Variants in ATXN1L observed in about 807,000 individuals in gnomAD.
ATXN1L encodes ataxin 1 like, also known as ataxin-1-like.
A neutral mutation model predicts 43.4 loss-of-function variants in ATXN1L; 8 were observed. The ratio of observed to expected loss-of-function variants is 0.18; its 90% CI spans 0.11 to 0.33. The LOEUF (loss-of-function observed/expected upper bound fraction) is 0.33, where lower values mean the gene tolerates loss of function less well. Ranked by LOEUF, ATXN1L falls within the 10% of genes least tolerant of loss-of-function variation. ATXN1L has a pLI of 1.00. For missense variants in ATXN1L, 856 were observed against 885.4 expected (o/e 0.97, Z 0.42); for synonymous variants, 379 against 360.6 (o/e 1.05, Z -0.58).
rs779598588 is a variant in ATXN1L, at chr16:71,856,441, C to T, written c.*4631C>T. 1 of 167,094 alleles carries T rather than the reference C, an allele frequency of 6.0e-6. No homozygotes were observed. The highest frequency in any genetic ancestry group is 1.5e-5 in the Non-Finnish European group (1 of 68,138). 10.4% of individuals were successfully genotyped at this position (167,094 alleles called of 1,614,324 possible). ...GACTGTCATGGGGACTGAGGTTCTTCAGAGAAAGAGTGTGAGCTGATGACA... is the reference window on the plus strand; with the variant it reads ...GACTGTCATGGGGACTGAGGTTCTTTAGAGAAAGAGTGTGAGCTGATGACA... On this transcript the variant is annotated 3_prime_UTR_variant, in exon 3 of 3. Coordinates refer to ENST00000427980, the MANE Select transcript of ATXN1L (RefSeq NM_001137675.4).
At chr16:71,848,985 T>A (rs2033470176) in intron 2 of ATXN1L, among the ~76,000 whole-genome samples, 2 of 151,484 alleles carry the variant, frequency 1.3e-5, no homozygotes, top group African/African-American at 4.9e-5. Context: ...GAGGCTGAGG[T>A]GGGCGGATCA....
Position 71,849,804 on chromosome 16 carries a change from A to T in ATXN1L, c.64A>T (p.Thr22Ser), listed in dbSNP as rs944648546. 6.5e-7 allele frequency: 1 copy of T among 1,548,902 alleles called. No individual in the cohort carries two copies. Among genetic ancestry groups the T allele is most frequent in the African/African-American group, 1.4e-5 (1 of 72,972 alleles). The change falls in exon 3 of 3, where the codon ACC becomes TCC. Residue 22 changes from threonine to serine, a missense_variant. Thr to Ser is a moderately conservative substitution (Grantham distance 58). Coordinates refer to ENST00000427980, the MANE Select transcript of ATXN1L (RefSeq NM_001137675.4). The stretch of plus-strand genomic sequence containing the variant: ...ACCAAAGAAACGAGACCTCCCCGTG[A>T]CCAGCGAGGATATGGGGAGAACTAC... ...LPPKKRDLPV[T>S]SEDMGRTTSC...
Position 71,849,751 on chromosome 16 carries a change from T to A in ATXN1L, c.11T>A (p.Val4Asp). The change falls in exon 3 of 3, where the codon GTT becomes GAT. Residue 4 changes from valine to aspartate, a missense_variant. By Grantham distance (152) the Val-to-Asp change is radical. Around this residue, in one of 7 missense-constraint regions of ATXN1L, gnomAD observed 9 missense variants for 22.4 expected, o/e 0.40. Coordinates refer to ENST00000427980, the MANE Select transcript of ATXN1L (RefSeq NM_001137675.4). Reference sequence around the variant, plus strand: ...ACACCACAAAGCAATATGAAACCTGTTCATGAAAGGAGTCAGGAATGCCTT... The same window carrying A: ...ACACCACAAAGCAATATGAAACCTGATCATGAAAGGAGTCAGGAATGCCTT... Reference protein sequence around the residue: MKPVHERSQECLPP... With the variant: MKPDHERSQECLPP... 1 of 1,509,000 alleles carries A rather than the reference T, an allele frequency of 6.6e-7. No homozygotes were observed. The highest frequency in any genetic ancestry group is 8.9e-7 in the Non-Finnish European group (1 of 1,124,522). The allele number at this position is 1,509,000 out of a possible 1,614,324, so 93.5% of individuals were successfully genotyped here.
rs1194743077 is a variant in ATXN1L, at chr16:71,856,290, G to A, written c.*4480G>A. ...GAACTCAAAGTTTTGTGATCCCAAA[G>A]CCATTCCACTGCAAATGCCCAGCAG... On this transcript the variant is annotated 3_prime_UTR_variant, in exon 3 of 3. Transcript: ENST00000427980. The A allele has an allele frequency of 1.2e-5, 2 of 167,130 alleles. No individual in the cohort carries two copies. The highest frequency in any genetic ancestry group is 1.3e-4 in the Admixed American group (2 of 15,286). The allele number at this position is 167,130 out of a possible 1,614,324, so 10.4% of individuals were successfully genotyped here.
rs6499544 is a variant in ATXN1L at position 71,850,118 on chromosome 16, A to C, written c.378A>C (p.Pro126=). Residue 126 remains proline, a synonymous_variant, in exon 3 of 3, where the codon CCA becomes CCC. Transcript: ENST00000427980. ...LIQHPGIHYP[P]LHYAQLPSTS... ...AACATCCAGGCATCCACTATCCTCC[A>C]CTCCACTATGCTCAGCTCCCATCCA... The C allele has an allele frequency of 9.3e-5, 145 of 1,551,060 alleles. 2 individuals carry two copies. The South Asian group carries it at 1.7e-3, about 18-fold the overall frequency.
chr16:71,847,131 A>T (rs963448495), intron 1 of ATXN1L, among the ~76,000 whole-genome samples: 6 of 152,126 alleles, frequency 3.9e-5, no homozygotes, highest in Non-Finnish European at 8.8e-5. Flanking sequence ...TAAGAGAGAA[A>T]TGTTGCATTC....
At position 71,849,715 on chromosome 16, in the gene ATXN1L, A is replaced by G. The variant is rs2033477946; in HGVS notation, c.-26A>G. ...CCCAGGGAGCAAGTCGACTCCTTCC[A>G]GGCTCCAGGAACACCACAAAGCAAT... On this transcript the variant is annotated 5_prime_UTR_variant, in exon 3 of 3. Transcript: ENST00000427980. 4 of 1,467,328 alleles carry G rather than the reference A, an allele frequency of 2.7e-6. No individual in the cohort carries two copies. The highest frequency in any genetic ancestry group is 1.4e-5 in the South Asian group (1 of 69,290). 90.9% of individuals were successfully genotyped at this position (1,467,328 alleles called of 1,614,324 possible).
rs1567391564 is a variant in ATXN1L, at chr16:71,856,212, A to G, written c.*4402A>G. The G allele has an allele frequency of 6.0e-6, 1 of 167,046 alleles. No homozygotes were observed. The highest frequency in any genetic ancestry group is 1.5e-5 in the Non-Finnish European group (1 of 68,112). The allele number at this position is 167,046 out of a possible 1,614,324, so 10.3% of individuals were successfully genotyped here. Reference sequence around the variant, plus strand: ...GTCATAAATGCACTTTTCACACTAAAGGTTTCTTTATTAGTTCTCCAGTTA... The same window carrying G: ...GTCATAAATGCACTTTTCACACTAAGGGTTTCTTTATTAGTTCTCCAGTTA... On this transcript the variant is annotated 3_prime_UTR_variant, in exon 3 of 3. Transcript: ENST00000427980.
Position 71,849,776 on chromosome 16 carries a change from T to C in ATXN1L, c.36T>C (p.Leu12=). ...TTCATGAAAGGAGTCAGGAATGCCT[T>C]CCACCAAAGAAACGAGACCTCCCCG... ...KPVHERSQEC[L]PPKKRDLPVT... The change falls in exon 3 of 3, where the codon CTT becomes CTC. Residue 12 remains leucine (L), a synonymous_variant. Transcript: ENST00000427980. 6.5e-7 allele frequency: 1 copy of C among 1,534,356 alleles called. No individual in the cohort carries two copies. The highest frequency in any genetic ancestry group is 1.2e-5 in the South Asian group (1 of 81,008).
intron 2 of ATXN1L, 177 bp downstream of exon 2, chr16:71,848,248 T>G (rs1346956603): frequency 6.5e-6 from 2 of 305,670 alleles, no homozygotes; most frequent in African/African-American, 4.4e-5. Context: ...AAAAGTTGCT[T>G]TATAACAATG....
rs1363840214 is a variant in ATXN1L, at chr16:71,850,705, TAGC to T, written c.970_972del (p.Ala324del). Reference sequence around the variant, plus strand: ...GGTTCTCAGACTCCACGGGTAGAGGTAGCAGCACCAGCACACCGGGGGACCCCG... The same window carrying T: ...GGTTCTCAGACTCCACGGGTAGAGGTAGCACCAGCACACCGGGGGACCCCG... On this transcript the variant is annotated inframe_deletion, in exon 3 of 3. Coordinates refer to ENST00000427980, the MANE Select transcript of ATXN1L (RefSeq NM_001137675.4). 1.9e-6 allele frequency: 3 copies of T among 1,551,466 alleles called. No homozygotes were observed. The highest frequency in any genetic ancestry group is 2.7e-5 in the African/African-American group (2 of 72,994).
At chr16:71,846,641 C>T (rs1180784001) in intron 1 of ATXN1L, among the ~76,000 whole-genome samples, 1 of 152,184 alleles carries the variant, frequency 6.6e-6, no homozygotes, top group East Asian at 1.9e-4. Context: ...CTGCTAGCAG[C>T]GTTGGCAACT....
chr16:71,850,869 C>T lies in ATXN1L; in HGVS notation c.1129C>T (p.Arg377Ter), dbSNP rs2033494275. The T allele has an allele frequency of 1.3e-6, 2 of 1,551,694 alleles. No individual in the cohort carries two copies. Among genetic ancestry groups the T allele is most frequent in the Non-Finnish European group, 1.7e-6 (2 of 1,146,990 alleles). Residue 377 changes from arginine (R) to a stop codon, truncating the protein, a stop_gained, in exon 3 of 3, where the codon CGA (arginine) becomes TGA (stop). Transcript: ENST00000427980. LOFTEE classifies it high-confidence loss of function. Reference protein sequence around the residue: ...HHTPDHQGEGRGSARNPAELA... With the variant: ...HHTPDHQGEG ...TACCCCCGACCATCAGGGTGAGGGG[C>T]GAGGGTCAGCCAGGAACCCTGCAGA...
At chr16:71,848,153 G>T in intron 2 of ATXN1L, 82 bp downstream of exon 2, 1 of 441,788 alleles carries the variant, frequency 2.3e-6, no homozygotes, top group South Asian at 1.6e-5. Flanking sequence ...ATGTAATATA[G>T]AAAGCTCTTT....
chr16:71,850,460 T>C lies in ATXN1L; in HGVS notation c.720T>C (p.Tyr240=). Residue 240 remains tyrosine (Y), a synonymous_variant, in exon 3 of 3, where the codon TAT becomes TAC. Transcript: ENST00000427980. ...AGATGTCCAGGCTACCTGCTGGGTA[T>C]ACTTTGCATGAAACCCCTCCAGCAG... The part of the protein sequence containing the change: ...YYQMSRLPAG[Y]TLHETPPAGA... 1.3e-6 allele frequency: 2 copies of C among 1,551,718 alleles called. No individual in the cohort carries two copies. Among genetic ancestry groups the C allele is most frequent in the East Asian group, 2.4e-5 (1 of 40,916 alleles).
chr16:71,847,294 G>C (rs2033452714), intron 1 of ATXN1L, among the ~76,000 whole-genome samples: 1 of 152,160 alleles, frequency 6.6e-6, no homozygotes, highest in Admixed American at 6.5e-5. Context: ...GATTCACATA[G>C]TGATGGTTTA....
Position 71,850,599 on chromosome 16 carries a change from C to G in ATXN1L, c.859C>G (p.Leu287Val), listed in dbSNP as rs1379915747. The change falls in exon 3 of 3, where the codon CTT becomes GTT. Residue 287 changes from leucine (L) to valine (V), a missense_variant. Leu to Val is a conservative substitution (Grantham distance 32). Around this residue, in one of 7 missense-constraint regions of ATXN1L, gnomAD observed 490 missense variants for 449.4 expected, o/e 1.09. Coordinates refer to ENST00000427980, the MANE Select transcript of ATXN1L (RefSeq NM_001137675.4). ...TTTAGTAAGACGGGAAAGTGAAGCC[C>G]TTGACTCCCCCAACAGCAAGGGTGA... The part of the protein sequence containing the change: ...RNLVRRESEA[L>V]DSPNSKGEGQ... 6.4e-7 allele frequency: 1 copy of G among 1,551,598 alleles called. No individual in the cohort carries two copies. The highest frequency in any genetic ancestry group is 2.4e-5 in the East Asian group (1 of 40,918).
In ATXN1L at chr16:71,854,993, A is replaced by G. The variant is rs557066180; in HGVS notation, c.*3183A>G. The G allele has an allele frequency of 2.3e-4, 38 of 167,106 alleles. No individual in the cohort carries two copies. The highest frequency in any genetic ancestry group is 4.8e-4 in the Non-Finnish European group (33 of 68,184). 10.4% of individuals were successfully genotyped at this position (167,106 alleles called of 1,614,324 possible). A position where few individuals can be genotyped will look rare whatever the true frequency, so the allele number is the denominator to read the frequency against. ...CCAGCCAATCTGGGCTGGTCCTTCT[A>G]TATTCTTGGTCCCAGTTGGTCATAA... On this transcript the variant is annotated 3_prime_UTR_variant, in exon 3 of 3. Coordinates refer to ENST00000427980, the MANE Select transcript of ATXN1L (RefSeq NM_001137675.4).
At position 71,850,990 on chromosome 16, in the gene ATXN1L, A is replaced by G. The variant is rs1325132603; in HGVS notation, c.1250A>G (p.Asn417Ser). Residue 417 changes from asparagine (N) to serine (S), a missense_variant, in exon 3 of 3, where the codon AAT (asparagine) becomes AGT (serine). By Grantham distance (46) the Asn-to-Ser change is conservative (BLOSUM62 1). This residue lies in a region of ATXN1L where 490 missense variants were observed against 449.4 expected (regional missense o/e 1.09). Coordinates refer to ENST00000427980, the MANE Select transcript of ATXN1L (RefSeq NM_001137675.4). ...RPLPKAMVVA[N>S]GNLVPTGTDS... ...TTACCCAAAGCAATGGTTGTAGCCAATGGCAACCTGGTGCCCACTGGAACT... is the reference window on the plus strand; with the variant it reads ...TTACCCAAAGCAATGGTTGTAGCCAGTGGCAACCTGGTGCCCACTGGAACT... 5 of 1,551,580 alleles carry G rather than the reference A, an allele frequency of 3.2e-6. No individual in the cohort carries two copies. The highest frequency in any genetic ancestry group is 2.4e-5 in the East Asian group (1 of 40,932).
Sources: gnomAD v4.1 joint callset for allele counts (sites outside exome capture counted in the v4.1 genomes callset) on GRCh38, gnomAD v4.1.1 for gene constraint, gnomAD v4.1.1 regional missense constraint, MANE v1.5 for transcripts, NCBI Gene and HGNC (gene_info 2026-07-23, HGNC 2026-07-21) for gene names.